PRKG1: variants seen among roughly 807,000 people sequenced by gnomAD.
PRKG1 encodes the protein protein kinase cGMP-dependent 1.
PRKG1 carries 35 observed loss-of-function variants against 88.1 expected under a neutral mutation model. The observed-to-expected ratio is 0.40, with a 90% CI of 0.30 to 0.53. The LOEUF (loss-of-function observed/expected upper bound fraction) is 0.53, where lower values mean the gene tolerates loss of function less well. PRKG1 is among the 20% of genes least tolerant of loss of function. The pLI is 0.59. For synonymous variants in PRKG1, 303 were observed against 292.5 expected (o/e 1.04, Z -0.37); for missense variants, 540 against 839.8 (o/e 0.64, Z 4.41).
At chr10:51,698,988 G>C in intron 3 of PRKG1, 10 of 1,614,256 alleles carry the variant, frequency 6.2e-6, no homozygotes, top group Non-Finnish European at 8.5e-6. Context: ...AGAATTTTCA[G>C]AGCAATCTCT....
At chr10:52,069,336 G>C (rs1453022595) in intron 7 of PRKG1, among the ~76,000 whole-genome samples, 1 of 152,104 alleles carries the variant, frequency 6.6e-6, no homozygotes, top group East Asian at 1.9e-4. Context: ...TTTGAGACCA[G>C]CCTGGCCAAC....
chr10:52,272,478 A>T lies in PRKG1; in HGVS notation c.1400A>T (p.Asp467Val). 6.2e-7 allele frequency: 1 copy of T among 1,601,418 alleles called. No homozygotes were observed. Among genetic ancestry groups the T allele is most frequent in the East Asian group, 2.2e-5 (1 of 44,720 alleles). Residue 467 changes from aspartate (D) to valine (V), a missense_variant, in exon 12 of 18, where the codon GAT becomes GTT. Asp to Val is a radical substitution (Grantham distance 152). Around this residue, in one of 5 missense-constraint regions of PRKG1, gnomAD observed 400 missense variants for 562.7 expected, o/e 0.71. Transcript: ENST00000373980. ...GGAGAGCTCTGGACCATTCTCAGGG[A>T]TAGGTAGGAGATTTAAGAAATTTCT... ...LGGELWTILR[D>V]RGSFEDSTTR...
At chr10:51,881,716 G>A (rs1841442750) in intron 4 of PRKG1, among the ~76,000 whole-genome samples, 1 of 152,138 alleles carries the variant, frequency 6.6e-6, no homozygotes, top group Non-Finnish European at 1.5e-5. Context: ...GAAAAGATTT[G>A]TTTTGAGGCA....
intron 10 of PRKG1, among the ~76,000 whole-genome samples, chr10:52,266,466 C>T (rs374071842): frequency 4.6e-5 from 7 of 151,810 alleles, no homozygotes; most frequent in African/African-American, 7.3e-5. Context: ...TGAGAACATG[C>T]GCTGTTTGGT....
chr10:52,235,909 G>C (rs1175525469), intron 9 of PRKG1, among the ~76,000 whole-genome samples: 1 of 87,092 alleles, frequency 1.1e-5, no homozygotes, highest in Non-Finnish European at 2.2e-5. Context: ...TGACCACATA[G>C]TTGGAAGTAA....
chr10:51,866,390 T>C (rs1480770212), intron 4 of PRKG1, among the ~76,000 whole-genome samples: 2 of 152,058 alleles, frequency 1.3e-5, no homozygotes, highest in Admixed American at 1.3e-4. Context: ...TTGCCATCCC[T>C]GGAAAGAATG....
chr10:52,080,230 C>A (rs1384829550), intron 7 of PRKG1, among the ~76,000 whole-genome samples: 1 of 152,172 alleles, frequency 6.6e-6, no homozygotes, highest in Non-Finnish European at 1.5e-5. Flanking sequence ...CTATTTCATG[C>A]TGCATCCAAT....
chr10:51,923,393 TATAG>T (rs1842503276), intron 5 of PRKG1, among the ~76,000 whole-genome samples: 1 of 151,594 alleles, frequency 6.6e-6, no homozygotes, highest in Non-Finnish European at 1.5e-5. Flanking sequence ...TTAAAGTAGT[TATAG>T]ATAATTTGAA....
chr10:51,202,916 A>G (rs1459856018), intron 2 of PRKG1, among the ~76,000 whole-genome samples: 3 of 152,228 alleles, frequency 2.0e-5, no homozygotes, highest in African/African-American at 7.2e-5. Context: ...GGGCTTCTGA[A>G]GATATATCTG....
chr10:51,580,899 G>A (rs971648301), intron 3 of PRKG1, among the ~76,000 whole-genome samples: 4 of 151,892 alleles, frequency 2.6e-5, no homozygotes, highest in Non-Finnish European at 4.4e-5. Context: ...TATTTATTGC[G>A]GGATCTGGCC....
At chr10:51,713,261 G>A (rs1052341621) in intron 3 of PRKG1, among the ~76,000 whole-genome samples, 3 of 152,140 alleles carry the variant, frequency 2.0e-5, no homozygotes, top group African/African-American at 7.2e-5. Context: ...GCATAAAACT[G>A]ACAGGAAAAA....
intron 1 of PRKG1, among the ~76,000 whole-genome samples, chr10:51,143,104 A>G (rs933434746): frequency 3.3e-5 from 5 of 151,896 alleles, no homozygotes; most frequent in Admixed American, 6.6e-5. Context: ...TAATTATGTA[A>G]ACTGTGACCA....
At chr10:52,054,714 A>T (rs951670741) in intron 6 of PRKG1, among the ~76,000 whole-genome samples, 153 bp downstream of exon 6, 1 of 152,176 alleles carries the variant, frequency 6.6e-6, no homozygotes, top group Non-Finnish European at 1.5e-5. Context: ...ACAAAAAATG[A>T]TGCAGGAGGG....
At chr10:52,129,470 G>T (rs1293507306) in intron 7 of PRKG1, among the ~76,000 whole-genome samples, 1 of 152,022 alleles carries the variant, frequency 6.6e-6, no homozygotes, top group Non-Finnish European at 1.5e-5. Flanking sequence ...CTAATGTCAA[G>T]GATTAATATA....
At chr10:51,104,010 C>T (rs549209967) in intron 1 of PRKG1, among the ~76,000 whole-genome samples, 1 of 152,170 alleles carries the variant, frequency 6.6e-6, no homozygotes, top group South Asian at 2.1e-4. Flanking sequence ...AATGATCTCA[C>T]CACATTTGAT....
At chr10:51,570,374 ATTG>A (rs1240478768) in intron 3 of PRKG1, among the ~76,000 whole-genome samples, 1 of 151,902 alleles carries the variant, frequency 6.6e-6, no homozygotes, top group Non-Finnish European at 1.5e-5. Context: ...AGAGAAAAAA[ATTG>A]TTATTAAGAA....
chr10:51,263,671 A>C (rs1839771457), intron 2 of PRKG1, among the ~76,000 whole-genome samples: 1 of 152,224 alleles, frequency 6.6e-6, no homozygotes, highest in Non-Finnish European at 1.5e-5. Context: ...CGTATATGAT[A>C]AAGTAGATTG....
intron 10 of PRKG1, among the ~76,000 whole-genome samples, chr10:52,258,396 C>T (rs1022895946): frequency 6.9e-6 from 1 of 144,134 alleles, no homozygotes; most frequent in Non-Finnish European, 1.6e-5. Flanking sequence ...ATAAAATAAC[C>T]TTTCATTTGA....
chr10:51,555,979 G>C (rs1302541552), intron 3 of PRKG1, among the ~76,000 whole-genome samples: 1 of 151,810 alleles, frequency 6.6e-6, no homozygotes, highest in Non-Finnish European at 1.5e-5. Context: ...AGGGAGAAAA[G>C]AAAGGGGGAA....
Sources: allele counts gnomAD v4.1 joint callset (sites outside exome capture counted in the v4.1 genomes callset), GRCh38; gene constraint gnomAD v4.1.1; regional missense constraint gnomAD v4.1.1; transcripts MANE v1.5; gene names NCBI Gene and HGNC (gene_info 2026-07-23, HGNC 2026-07-21).